Variants in SCMH1 observed in about 807,000 individuals in gnomAD.
SCMH1 encodes the protein Scm polycomb group protein homolog 1, also known as polycomb protein SCMH1.
In SCMH1, 37 loss-of-function variants were observed where a neutral mutation model predicts 70.8. That is an observed-to-expected ratio of 0.52 (90% CI 0.40 to 0.69). The LOEUF (loss-of-function observed/expected upper bound fraction) is 0.69, where lower values mean the gene tolerates loss of function less well. Ranked by LOEUF, SCMH1 falls within the 30% of genes least tolerant of loss-of-function variation. The probability of loss-of-function intolerance (pLI) is 0.00; values close to 1 mark genes in which losing one functional copy is unlikely to be tolerated. For missense variants in SCMH1, 607 were observed against 827.3 expected, an observed-to-expected ratio of 0.73 and a Z score of 3.27; for synonymous variants, 292 against 307.4, an observed-to-expected ratio of 0.95 and a Z score of 0.52.
chr1:41,216,744 C>CT (rs1269446116), intron 1 of SCMH1, among the ~76,000 whole-genome samples: 5 of 152,208 alleles, frequency 3.3e-5, no homozygotes, highest in Non-Finnish European at 7.3e-5. Context: ...GAGGAAGATA[C>CT]TTTGTACTCA....
intron 1 of SCMH1, among the ~76,000 whole-genome samples, chr1:41,211,737 T>C (rs990931629): frequency 2.0e-5 from 3 of 152,182 alleles, no homozygotes; most frequent in African/African-American, 7.2e-5. Context: ...TGTGGCACTA[T>C]TCACAATAGC....
At chr1:41,221,786 G>A (rs1659339212) in intron 1 of SCMH1, among the ~76,000 whole-genome samples, 2 of 149,002 alleles carry the variant, frequency 1.3e-5, no homozygotes, top group Non-Finnish European at 1.5e-5. Context: ...CAGCTATTCA[G>A]GAGGCTGAGG....
intron 8 of SCMH1, among the ~76,000 whole-genome samples, chr1:41,096,952 T>C (rs1163568672): frequency 2.6e-5 from 4 of 152,182 alleles, no homozygotes; most frequent in African/African-American, 9.7e-5. Context: ...TCAAAGAACA[T>C]GCTAGTTTTT....
intron 9 of SCMH1, among the ~76,000 whole-genome samples, chr1:41,073,527 T>A (rs1321758706): frequency 6.6e-6 from 1 of 152,050 alleles, no homozygotes; most frequent in African/African-American, 2.4e-5. Context: ...AAGAGGAGTA[T>A]TACGTGTTAC....
At chr1:41,130,368 A>T (rs935677266) in intron 6 of SCMH1, among the ~76,000 whole-genome samples, 4 of 152,026 alleles carry the variant, frequency 2.6e-5, no homozygotes, top group African/African-American at 9.7e-5. Flanking sequence ...TTTGATGCAC[A>T]AAAGTTTTGA....
intron 6 of SCMH1, 24 bp downstream of exon 6, chr1:41,142,850 TAGAA>T (rs1644227572): frequency 6.4e-7 from 1 of 1,572,668 alleles, no homozygotes; most frequent in Non-Finnish European, 8.8e-7. Flanking sequence ...AATAATTGGC[TAGAA>T]AGAGTTTGGG....
chr1:41,174,982 G>A (rs1647016467), intron 2 of SCMH1, among the ~76,000 whole-genome samples: 1 of 152,150 alleles, frequency 6.6e-6, no homozygotes, highest in Non-Finnish European at 1.5e-5. Context: ...GTCTTCATTT[G>A]GAGATCAAGT....
At chr1:41,029,892 T>G (rs1394745712) in intron 13 of SCMH1, among the ~76,000 whole-genome samples, 4 of 152,186 alleles carry the variant, frequency 2.6e-5, no homozygotes, top group African/African-American at 9.7e-5. Context: ...ATCTCTATTC[T>G]CCATGAAGCA....
At chr1:41,046,697 G>A in intron 11 of SCMH1, 99 bp from the exon 12 acceptor site, 1 of 923,678 alleles carries the variant, frequency 1.1e-6, no homozygotes, top group South Asian at 1.5e-5. Context: ...AGGCTTACCT[G>A]GTTACACAAA....
At chr1:41,225,157 T>A (rs1382465553) in intron 1 of SCMH1, among the ~76,000 whole-genome samples, 1 of 152,190 alleles carries the variant, frequency 6.6e-6, no homozygotes, top group Admixed American at 6.5e-5. Context: ...CAAAATAACT[T>A]TTAACTTTCT....
chr1:41,077,648 G>C (rs1440279814), intron 8 of SCMH1, among the ~76,000 whole-genome samples: 1 of 152,108 alleles, frequency 6.6e-6, no homozygotes, highest in African/African-American at 2.4e-5. Flanking sequence ...CTAGAAATTA[G>C]GTTCCCAACC....
At chr1:41,034,635 T>C (rs1012563447) in intron 13 of SCMH1, among the ~76,000 whole-genome samples, 2 of 152,106 alleles carry the variant, frequency 1.3e-5, no homozygotes, top group Admixed American at 6.6e-5. Flanking sequence ...CCGAGGTGAC[T>C]TTTTTTCATT....
At chr1:41,082,442 A>C (rs1161482278) in intron 8 of SCMH1, among the ~76,000 whole-genome samples, 1 of 152,216 alleles carries the variant, frequency 6.6e-6, no homozygotes, top group East Asian at 1.9e-4. Flanking sequence ...TTTTCAACCC[A>C]GGATTTCATA....
rs1230673666 is a variant in SCMH1 at position 41,113,798 on chromosome 1, A to G, written c.502-272T>C. Among the ~76,000 whole-genome samples the G allele has an allele frequency of 6.6e-6, 1 of 152,116 alleles. No homozygotes were observed. Among genetic ancestry groups the G allele is most frequent in the African/African-American group, 2.4e-5 (1 of 41,414 alleles). On this transcript the variant is annotated intron_variant, in intron 7 of 14. Transcript: ENST00000337495. This position sits in a 1 kb window ranked among gnomAD's most constrained non-coding sequence, Gnocchi z 4.3. ...TTGAATCTCCCTTTCTGCCCTTCCC[A>G]TATTCCATTCCCCCTCTACCTACCA...
intron 8 of SCMH1, among the ~76,000 whole-genome samples, chr1:41,077,150 G>A (rs1276992905): frequency 1.3e-5 from 2 of 152,084 alleles, no homozygotes; most frequent in African/African-American, 4.8e-5. Flanking sequence ...GCTGTCATGA[G>A]GAAGACACCA....
Position 41,169,091 on chromosome 1 carries a change from G to C in SCMH1, c.14-7659C>G, listed in dbSNP as rs188574150. On this transcript the variant is annotated intron_variant, in intron 2 of 14. Coordinates refer to ENST00000337495, the Ensembl canonical transcript of SCMH1. ...TGATCCTGAGGAGAAGCTCGTAGAA[G>C]TGGTCCTACTGTACGTCCACCTTTT... Among the ~76,000 whole-genome samples the C allele has an allele frequency of 3.9e-5, 6 of 152,316 alleles. No homozygotes were observed. In the East Asian group the frequency reaches 1.2e-3, roughly 29 times the overall value.
intron 2 of SCMH1, among the ~76,000 whole-genome samples, chr1:41,180,040 G>A (rs1024734613): frequency 2.6e-5 from 4 of 152,068 alleles, no homozygotes; most frequent in African/African-American, 9.7e-5. Flanking sequence ...TTCATCCCTG[G>A]GATGCAAGGC....
intron 2 of SCMH1, among the ~76,000 whole-genome samples, chr1:41,167,688 G>A (rs546621671): frequency 1.3e-5 from 2 of 152,076 alleles, no homozygotes; most frequent in African/African-American, 2.4e-5. Context: ...ATGATCCTTT[G>A]TATTTCTATG....
chr1:41,147,552 CA>C (rs1468428149), intron 5 of SCMH1, among the ~76,000 whole-genome samples: 2 of 152,054 alleles, frequency 1.3e-5, no homozygotes, highest in African/African-American at 2.4e-5. Context: ...TCAGTTAGGT[CA>C]AGTTAGTTCA....
Sources: allele counts gnomAD v4.1 joint callset (sites outside exome capture counted in the v4.1 genomes callset), GRCh38; gene constraint gnomAD v4.1.1; non-coding constraint Gnocchi (gnomAD v3.1); transcripts MANE v1.5; gene names NCBI Gene and HGNC (gene_info 2026-07-23, HGNC 2026-07-21).